The following FBLN5 variants were observed in gnomAD, a reference collection of about 807,000 sequenced individuals.
FBLN5 encodes the protein fibulin 5.
In FBLN5, 24 loss-of-function variants were observed where a neutral mutation model predicts 61.6. That is an observed-to-expected ratio of 0.39 (90% CI 0.28 to 0.55). FBLN5 has a LOEUF of 0.55. Ranked by LOEUF, FBLN5 falls within the 20% of genes least tolerant of loss-of-function variation. The pLI, the probability that FBLN5 is intolerant of heterozygous loss-of-function variation, is 0.65. For synonymous variants in FBLN5, 213 were observed against 219.8 expected (o/e 0.97, Z 0.27); for missense variants, 470 against 594.1 (o/e 0.79, Z 2.17).
At position 91,898,888 on chromosome 14, in the gene FBLN5, G is replaced by T. The variant is rs554928642; in HGVS notation, c.380-3816C>A. ...GCAATCTAAGCTCACTGCAAGCTCT[G>T]CCTCCCGGGTTCACACCACTCTTCT... On this transcript the variant is annotated intron_variant, in intron 4 of 10. Coordinates refer to ENST00000342058, the MANE Select transcript of FBLN5 (RefSeq NM_006329.4). Among the ~76,000 whole-genome samples, 3 of 138,574 alleles carry T rather than the reference G, an allele frequency of 2.2e-5. No homozygotes were observed. The South Asian group carries it at 6.8e-4, about 31-fold the overall frequency. The allele number at this position is 138,574 out of a possible 152,430, so 90.9% of individuals were successfully genotyped here.
chr14:91,900,842 TAGA>T (rs1235461096), intron 4 of FBLN5, among the ~76,000 whole-genome samples: 3 of 152,200 alleles, frequency 2.0e-5, no homozygotes, highest in Non-Finnish European at 1.5e-5. Flanking sequence ...CTGTGGAAGA[TAGA>T]AGAAGGTTGG....
chr14:91,869,808 G>A lies in FBLN5; in HGVS notation c.*416C>T. The A allele has an allele frequency of 4.0e-6, 1 of 252,462 alleles. No homozygotes were observed. Among genetic ancestry groups the A allele is most frequent in the Non-Finnish European group, 7.9e-6 (1 of 127,300 alleles). 15.6% of individuals were successfully genotyped at this position (252,462 alleles called of 1,614,324 possible). ...CTCCCAGGGTTCCCCGCCAGCTCCC[G>A]GGTCTTTGCAAAGCAGTAACACAGT... is the stretch of plus-strand genomic sequence containing the variant. On this transcript the variant is annotated 3_prime_UTR_variant, in exon 11 of 11. Coordinates refer to ENST00000342058, the MANE Select transcript of FBLN5 (RefSeq NM_006329.4).
intron 9 of FBLN5, 82 bp downstream of exon 9, chr14:91,881,210 A>G: frequency 1.3e-6 from 2 of 1,530,942 alleles, no homozygotes; most frequent in Non-Finnish European, 9.0e-7. Flanking sequence ...TGGCTGGTGC[A>G]CTCTCTTTCA....
intron 4 of FBLN5, among the ~76,000 whole-genome samples, chr14:91,935,704 T>TAA (rs202179114): frequency 6.6e-6 from 1 of 151,964 alleles, no homozygotes; most frequent in Non-Finnish European, 1.5e-5. Context: ...TAAAGATTGG[T>TAA]AAAAAAAAGT....
At chr14:91,883,109 TC>T in intron 7 of FBLN5, 33 bp from the exon 8 acceptor site, 1 of 1,612,422 alleles carries the variant, frequency 6.2e-7, no homozygotes, top group Non-Finnish European at 8.5e-7. Context: ...CTGTTTGTAA[TC>T]CCAGTCTACA....
intron 4 of FBLN5, among the ~76,000 whole-genome samples, chr14:91,921,275 T>C (rs767189743): frequency 1.3e-5 from 2 of 152,162 alleles, no homozygotes; most frequent in Non-Finnish European, 2.9e-5. Context: ...TGCCAATGCT[T>C]GTCCTTCTTC....
chr14:91,883,014 T>C lies in FBLN5; in HGVS notation c.802A>G (p.Thr268Ala). 6.2e-7 allele frequency: 1 copy of C among 1,614,166 alleles called. No homozygotes were observed. Among genetic ancestry groups the C allele is most frequent in the South Asian group, 1.1e-5 (1 of 91,092 alleles). The part of the protein sequence containing the change: ...CQHECVNQPG[T>A]YFCSCPPGYI... ...CCTGGAGGGCAGGAGCAGAAGTATG[T>C]GCCGGGCTGGTTCACACACTCATGT... The change falls in exon 8 of 11, where the codon ACA (threonine) becomes GCA (alanine). Residue 268 changes from threonine (T) to alanine (A), a missense_variant. Transcript: ENST00000342058.
At chr14:91,887,630 G>C (rs1428502219) in intron 6 of FBLN5, among the ~76,000 whole-genome samples, 2 of 152,084 alleles carry the variant, frequency 1.3e-5, no homozygotes, top group East Asian at 3.9e-4. Flanking sequence ...CCCCAACCAG[G>C]AATTTCCAGG....
intron 3 of FBLN5, 112 bp from the exon 4 acceptor site, chr14:91,937,313 G>A: frequency 6.9e-7 from 1 of 1,443,550 alleles, no homozygotes; most frequent in South Asian, 1.2e-5. Flanking sequence ...CAAACACCTA[G>A]GGTGGTCCCA....
rs56170047 is a variant in FBLN5, at chr14:91,882,215, T to C, written c.862+739A>G. 6.6e-6 allele frequency among the ~76,000 whole-genome samples: 1 copy of C among 152,150 alleles called. No homozygotes were observed. The highest frequency in any genetic ancestry group is 1.5e-5 in the Non-Finnish European group (1 of 68,018). ...ATAGTAGTAAAAGTAATTTTACCCA[T>C]TTTTTTCCTCTTTTAATGTGGCTAA... On this transcript the variant is annotated intron_variant, in intron 8 of 10. Coordinates refer to ENST00000342058, the MANE Select transcript of FBLN5 (RefSeq NM_006329.4). This position sits in a 1 kb window ranked among gnomAD's most constrained non-coding sequence, Gnocchi z 4.9.
At chr14:91,931,808 C>T in intron 4 of FBLN5, among the ~76,000 whole-genome samples, 1 of 152,102 alleles carries the variant, frequency 6.6e-6, no homozygotes, top group East Asian at 1.9e-4. Context: ...GTGGCGGCCA[C>T]GTTCAGGGAC....
At chr14:91,885,577 T>G (rs1321928906) in intron 7 of FBLN5, among the ~76,000 whole-genome samples, 4 of 152,038 alleles carry the variant, frequency 2.6e-5, no homozygotes, top group African/African-American at 7.3e-5. Flanking sequence ...ACTTATTTAA[T>G]TTTTGACCAC....
chr14:91,910,049 G>C (rs1217503456), intron 4 of FBLN5, among the ~76,000 whole-genome samples: 1 of 152,164 alleles, frequency 6.6e-6, no homozygotes, highest in Non-Finnish European at 1.5e-5. Flanking sequence ...TTGTAAGCAG[G>C]ATCTTGAAGT....
chr14:91,885,046 G>A (rs772466432), intron 7 of FBLN5, among the ~76,000 whole-genome samples: 28 of 152,164 alleles, frequency 1.8e-4, no homozygotes, highest in Non-Finnish European at 3.5e-4. Flanking sequence ...GGGGCTACAC[G>A]GAGAGGCCAC....
intron 4 of FBLN5, among the ~76,000 whole-genome samples, chr14:91,919,053 G>C (rs566244752): frequency 6.6e-6 from 1 of 152,084 alleles, no homozygotes; most frequent in Non-Finnish European, 1.5e-5. Context: ...AATGGCAGCC[G>C]GGCACTGTGG....
chr14:91,915,316 T>A (rs182093066), intron 4 of FBLN5, among the ~76,000 whole-genome samples: 1 of 152,144 alleles, frequency 6.6e-6, no homozygotes, highest in East Asian at 1.9e-4. Flanking sequence ...GTAGACAAGT[T>A]CTTAGAAAAA....
intron 4 of FBLN5, among the ~76,000 whole-genome samples, chr14:91,909,043 G>A (rs948156646): frequency 7.9e-5 from 12 of 151,800 alleles, no homozygotes; most frequent in South Asian, 4.2e-4. Context: ...TCAGCCTCCC[G>A]AGTAGCTGGG....
At chr14:91,939,761 C>CCAAAATCT in intron 3 of FBLN5, 1 of 333,110 alleles carries the variant, frequency 3.0e-6, no homozygotes, top group Non-Finnish European at 5.8e-6. Context: ...AAAATCTCTT[C>CCAAAATCT]CTAGTCCTCA....
At chr14:91,887,124 G>A (rs1889759771) in intron 7 of FBLN5, 69 bp downstream of exon 7, 1 of 1,553,256 alleles carries the variant, frequency 6.4e-7, no homozygotes, top group African/African-American at 1.4e-5. Flanking sequence ...TATGAAGGAA[G>A]CCCTTGCCCT....
Sources: allele counts gnomAD v4.1 joint callset (sites outside exome capture counted in the v4.1 genomes callset), GRCh38; gene constraint gnomAD v4.1.1; non-coding constraint Gnocchi (gnomAD v3.1); transcripts MANE v1.5; gene names NCBI Gene and HGNC (gene_info 2026-07-23, HGNC 2026-07-21).